The following CTNNA3 variants were observed in gnomAD, a reference collection of about 807,000 sequenced individuals.
The protein encoded by CTNNA3 is catenin alpha-3.
Under a neutral mutation model 95.7 loss-of-function variants are expected in CTNNA3, and 76 were observed. The ratio of observed to expected loss-of-function variants is 0.79; its 90% CI spans 0.66 to 0.96. The LOEUF is 0.96. Ranked by LOEUF, CTNNA3 falls within the 40% of genes least tolerant of loss-of-function variation. CTNNA3 has a pLI of 0.00. For missense variants in CTNNA3, 1,191 were observed against 1,089.8 expected, an observed-to-expected ratio of 1.09 and a Z score of -1.31; for synonymous variants, 431 against 374.4, an observed-to-expected ratio of 1.15 and a Z score of -1.74.
chr10:66,632,555 C>CAAAAAA (rs10559608), intron 9 of CTNNA3, among the ~76,000 whole-genome samples: 2 of 100,902 alleles, frequency 2.0e-5, no homozygotes, highest in African/African-American at 3.8e-5. Context: ...AACTCCATCT[C>CAAAAAA]AAAAAAAAAA....
chr10:66,061,134 C>T (rs1173104467), intron 15 of CTNNA3, among the ~76,000 whole-genome samples: 1 of 152,040 alleles, frequency 6.6e-6, no homozygotes. Context: ...TGGCCCTTCA[C>T]CAAGGAGAAA....
intron 5 of CTNNA3, among the ~76,000 whole-genome samples, chr10:67,261,474 C>CCAA (rs1866603142): frequency 6.6e-6 from 1 of 151,974 alleles, no homozygotes. Context: ...AGGCATTTTG[C>CCAA]GATGACTAAC....
At chr10:66,065,773 C>T (rs1278735815) in intron 15 of CTNNA3, among the ~76,000 whole-genome samples, 2 of 152,090 alleles carry the variant, frequency 1.3e-5, no homozygotes, top group Non-Finnish European at 2.9e-5. Flanking sequence ...TCTATAAATA[C>T]ACCCACTTGA....
intron 5 of CTNNA3, among the ~76,000 whole-genome samples, chr10:67,373,971 T>C (rs543477428): frequency 6.6e-6 from 1 of 152,310 alleles, no homozygotes; most frequent in South Asian, 2.1e-4. Context: ...TTTAATGTAA[T>C]GTTTATGTTT....
At chr10:67,217,085 T>C (rs1179242258) in intron 6 of CTNNA3, among the ~76,000 whole-genome samples, 1 of 152,236 alleles carries the variant, frequency 6.6e-6, no homozygotes, top group East Asian at 1.9e-4. Flanking sequence ...AGCTTCAGCA[T>C]GGTTGTTGAG....
rs530930631 is a variant in CTNNA3, at chr10:65,925,680, G to A, written c.2401-5063C>T. Among the ~76,000 whole-genome samples the A allele has an allele frequency of 1.4e-4, 22 of 152,168 alleles. 1 individual carries two copies. Among genetic ancestry groups the A allele is most frequent in the Admixed American group, 5.2e-4 (8 of 15,284 alleles). ...CCCAACTCCTGACCTCAGGTCATCCGCCTTCCTTGGCCTCCCAAAGTGCTG... is the reference window on the plus strand; with the variant it reads ...CCCAACTCCTGACCTCAGGTCATCCACCTTCCTTGGCCTCCCAAAGTGCTG... On this transcript the variant is annotated intron_variant, in intron 17 of 17. Transcript: ENST00000433211.
intron 11 of CTNNA3, among the ~76,000 whole-genome samples, chr10:66,458,455 ATTTGGATGTG>A (rs2093508768): frequency 6.6e-6 from 1 of 152,208 alleles, no homozygotes; most frequent in Non-Finnish European, 1.5e-5. Context: ...CATGCAAGTC[ATTTGGATGTG>A]TACAATTCAG....
At chr10:66,395,747 T>C (rs2132543365) in intron 11 of CTNNA3, among the ~76,000 whole-genome samples, 1 of 152,148 alleles carries the variant, frequency 6.6e-6, no homozygotes, top group South Asian at 2.1e-4. Context: ...GCATCAGTAA[T>C]TGTTCTCTTA....
At chr10:66,586,679 T>G (rs1218768431) in intron 10 of CTNNA3, among the ~76,000 whole-genome samples, 1 of 152,048 alleles carries the variant, frequency 6.6e-6, no homozygotes, top group Non-Finnish European at 1.5e-5. Flanking sequence ...CTCTCTGCAG[T>G]GTTGGGTGAG....
intron 5 of CTNNA3, among the ~76,000 whole-genome samples, chr10:67,259,999 C>T (rs1323970731): frequency 2.0e-5 from 3 of 152,106 alleles, no homozygotes; most frequent in South Asian, 2.1e-4. Flanking sequence ...TGGATTAAAG[C>T]ACAATTTCTT....
chr10:66,776,340 G>T (rs775339278), intron 7 of CTNNA3, among the ~76,000 whole-genome samples: 2 of 152,114 alleles, frequency 1.3e-5, no homozygotes, highest in Non-Finnish European at 2.9e-5. Context: ...ACTGAAAAGG[G>T]ATCTTGAGAG....
At chr10:66,938,375 TAA>T (rs939065925) in intron 7 of CTNNA3, among the ~76,000 whole-genome samples, 2 of 152,134 alleles carry the variant, frequency 1.3e-5, no homozygotes, top group South Asian at 2.1e-4. Context: ...ACTGATAATA[TAA>T]AGAGTCAACC....
intron 7 of CTNNA3, among the ~76,000 whole-genome samples, chr10:66,873,951 A>G (rs1844512303): frequency 6.6e-6 from 1 of 152,194 alleles, no homozygotes; most frequent in Admixed American, 6.5e-5. Context: ...ATCAGATGCC[A>G]ACACAGGATT....
chr10:66,963,529 A>G (rs1163946858), intron 7 of CTNNA3, among the ~76,000 whole-genome samples: 2 of 152,186 alleles, frequency 1.3e-5, no homozygotes, highest in African/African-American at 4.8e-5. Context: ...AAATATAAGA[A>G]CAGGATTGGA....
At chr10:66,502,030 G>A (rs1840294309) in intron 11 of CTNNA3, among the ~76,000 whole-genome samples, 2 of 152,052 alleles carry the variant, frequency 1.3e-5, no homozygotes, top group African/African-American at 4.8e-5. Context: ...AAATATTTCA[G>A]AATAAAAGTA....
chr10:66,490,346 T>G (rs1440328277), intron 11 of CTNNA3, among the ~76,000 whole-genome samples: 1 of 152,140 alleles, frequency 6.6e-6, no homozygotes, highest in African/African-American at 2.4e-5. Context: ...TGAGGAGCAA[T>G]ATGACATCAA....
chr10:66,469,648 C>T (rs1014546678), intron 11 of CTNNA3, among the ~76,000 whole-genome samples: 2 of 151,802 alleles, frequency 1.3e-5, no homozygotes, highest in African/African-American at 2.4e-5. Context: ...CCCTGCACTA[C>T]AGACACTGAA....
Position 67,497,659 on chromosome 10 carries a change from T to A in CTNNA3, c.579+24183A>T, listed in dbSNP as rs372366195. Among the ~76,000 whole-genome samples the A allele has an allele frequency of 2.0e-5, 3 of 152,380 alleles. No homozygotes were observed. The East Asian group carries it at 5.8e-4, about 29-fold the overall frequency. On this transcript the variant is annotated intron_variant, in intron 5 of 17. Coordinates refer to ENST00000433211, the MANE Select transcript of CTNNA3 (RefSeq NM_013266.4). ...GTGAGATGGTATCTCATTGTGGTTTTGATTTGCACTTCTCTAATGACCACT... is the reference window on the plus strand; with the variant it reads ...GTGAGATGGTATCTCATTGTGGTTTAGATTTGCACTTCTCTAATGACCACT...
At chr10:65,953,170 G>T (rs1055949720) in intron 17 of CTNNA3, among the ~76,000 whole-genome samples, 1 of 152,128 alleles carries the variant, frequency 6.6e-6, no homozygotes, top group African/African-American at 2.4e-5. Flanking sequence ...ACTAGGCGTG[G>T]TGTATAGGAA....
Sources: gnomAD v4.1 joint callset for allele counts (sites outside exome capture counted in the v4.1 genomes callset) on GRCh38, gnomAD v4.1.1 for gene constraint, MANE v1.5 for transcripts, NCBI Gene and HGNC (gene_info 2026-07-23, HGNC 2026-07-21) for gene names.